The following TMEM150C variants were observed in gnomAD, a reference collection of about 807,000 sequenced individuals.
The protein encoded by TMEM150C is transmembrane protein 150C.
TMEM150C carries 10 observed loss-of-function variants against 29.9 expected under a neutral mutation model. That is an observed-to-expected ratio of 0.33 (90% CI 0.21 to 0.57). The LOEUF (loss-of-function observed/expected upper bound fraction) is 0.57, where lower values mean the gene tolerates loss of function less well. Ranked by LOEUF, TMEM150C falls within the 20% of genes least tolerant of loss-of-function variation. The pLI is 0.88. For missense variants in TMEM150C, 251 were observed against 303.6 expected (o/e 0.83, Z 1.29); for synonymous variants, 101 against 112.5 (o/e 0.90, Z 0.64).
Position 82,532,830 on chromosome 4 carries a change from G to A in TMEM150C, c.-10-28163C>T, listed in dbSNP as rs576369444. On this transcript the variant is annotated intron_variant, in intron 1 of 7. Coordinates refer to ENST00000449862, the MANE Select transcript of TMEM150C (RefSeq NM_001080506.3). The stretch of plus-strand genomic sequence containing the variant: ...TGCAAGCTCCACCTCCTGGGTTCAC[G>A]CCATTCTCCTGTCTCAGCCTCCCGA... 4.0e-5 allele frequency among the ~76,000 whole-genome samples: 6 copies of A among 151,746 alleles called. No homozygotes were observed. The South Asian group carries it at 8.3e-4, about 21-fold the overall frequency.
chr4:82,538,882 G>A (rs4404533), intron 1 of TMEM150C, among the ~76,000 whole-genome samples: 26,761 of 151,952 alleles, frequency 0.18, 3,795 homozygotes, highest in African/African-American at 0.39. Context: ...GCAACATGGC[G>A]AAACCTTAAC....
Position 82,504,680 on chromosome 4 carries a change from A to T in TMEM150C, c.-10-13T>A. 6.3e-7 allele frequency: 1 copy of T among 1,598,376 alleles called. No homozygotes were observed. The highest frequency in any genetic ancestry group is 8.6e-7 in the Non-Finnish European group (1 of 1,166,820). On this transcript the variant is annotated splice_polypyrimidine_tract_variant and intron_variant, in intron 1 of 7. Coordinates refer to ENST00000449862, the MANE Select transcript of TMEM150C (RefSeq NM_001080506.3). ...CATGCCTGTACCACTGAAATAAAAT[A>T]AACACGTATTAATAATTAAGGCAAA...
At chr4:82,524,427 C>T (rs1223409670) in intron 1 of TMEM150C, among the ~76,000 whole-genome samples, 1 of 152,074 alleles carries the variant, frequency 6.6e-6, no homozygotes, top group African/African-American at 2.4e-5. Context: ...CTTGGGACCC[C>T]CACGTTTCAT....
chr4:82,555,852 C>T (rs1352490282), intron 1 of TMEM150C, among the ~76,000 whole-genome samples: 1 of 152,156 alleles, frequency 6.6e-6, no homozygotes, highest in African/African-American at 2.4e-5. Flanking sequence ...TTGTTAAGCA[C>T]TCAATAATGT....
At chr4:82,495,120 T>C (rs1723500835) in intron 6 of TMEM150C, 1 of 647,850 alleles carries the variant, frequency 1.5e-6, no homozygotes, top group Non-Finnish European at 2.5e-6. Flanking sequence ...TCTTACAACA[T>C]ACTGGCAGAC....
At chr4:82,513,199 C>G (rs1373134809) in intron 1 of TMEM150C, among the ~76,000 whole-genome samples, 1 of 152,186 alleles carries the variant, frequency 6.6e-6, no homozygotes, top group Non-Finnish European at 1.5e-5. Flanking sequence ...CTCTGGCTGG[C>G]ATCTGGCAGG....
At chr4:82,494,783 ATTTTTT>A (rs70964776) in intron 6 of TMEM150C, 9,127 of 188,054 alleles carry the variant, frequency 0.049, 845 homozygotes, top group African/African-American at 0.23. Flanking sequence ...AATGTTCCTA[ATTTTTT>A]TTTTTTTTTT....
chr4:82,532,105 A>G (rs989114089), intron 1 of TMEM150C, among the ~76,000 whole-genome samples: 3 of 152,266 alleles, frequency 2.0e-5, no homozygotes, highest in Non-Finnish European at 4.4e-5. Flanking sequence ...AGAGAGCTAC[A>G]GTAAAACAGC....
At chr4:82,547,022 G>A (rs1468778918) in intron 1 of TMEM150C, among the ~76,000 whole-genome samples, 1 of 151,914 alleles carries the variant, frequency 6.6e-6, no homozygotes, top group African/African-American at 2.4e-5. Flanking sequence ...AAAAGCAATT[G>A]CAACAAAAAT....
In TMEM150C at chr4:82,542,548, G is replaced by A. The variant is rs566208064; in HGVS notation, c.-11+19358C>T. ...AAGCAGGACCTACTCATGAGATTCC[G>A]GTGGCCAAAAGGCAGGAGGTAGGGA... On this transcript the variant is annotated intron_variant, in intron 1 of 7. Transcript: ENST00000449862. Among the ~76,000 whole-genome samples the A allele has an allele frequency of 3.9e-5, 6 of 152,260 alleles. 1 individual carries two copies. The South Asian group carries it at 1.0e-3, about 26-fold the overall frequency.
chr4:82,555,863 TACTC>T (rs1725719865), intron 1 of TMEM150C, among the ~76,000 whole-genome samples: 1 of 152,228 alleles, frequency 6.6e-6, no homozygotes, highest in Non-Finnish European at 1.5e-5. Context: ...TCAATAATGT[TACTC>T]ACTATTAGCT....
intron 7 of TMEM150C, among the ~76,000 whole-genome samples, chr4:82,488,019 G>T (rs963183932): frequency 1.3e-5 from 2 of 152,050 alleles, no homozygotes; most frequent in Admixed American, 6.6e-5. Flanking sequence ...TGATTTCTGG[G>T]ATTTTGGTGC....
chr4:82,541,896 C>A (rs1725212942), intron 1 of TMEM150C, among the ~76,000 whole-genome samples: 5 of 152,116 alleles, frequency 3.3e-5, no homozygotes, highest in Admixed American at 3.3e-4. Flanking sequence ...AACAGCCCTG[C>A]CTTGCTCTAT....
At chr4:82,516,980 C>A (rs1724316246) in intron 1 of TMEM150C, among the ~76,000 whole-genome samples, 1 of 152,140 alleles carries the variant, frequency 6.6e-6, no homozygotes, top group Non-Finnish European at 1.5e-5. Flanking sequence ...CCGAACTCCC[C>A]AGAACGCTTA....
At chr4:82,556,320 T>C (rs1725735958) in intron 1 of TMEM150C, among the ~76,000 whole-genome samples, 1 of 152,228 alleles carries the variant, frequency 6.6e-6, no homozygotes, top group Middle Eastern at 3.2e-3. Context: ...CCTTGTGGCC[T>C]GGTACTTGTT....
At chr4:82,561,341 T>C (rs1042430112) in intron 1 of TMEM150C, among the ~76,000 whole-genome samples, 25 of 152,152 alleles carry the variant, frequency 1.6e-4, no homozygotes, top group African/African-American at 5.8e-4. Flanking sequence ...AGACTGTGCA[T>C]TTAGAGTGGA....
intron 6 of TMEM150C, chr4:82,491,002 T>C: frequency 2.7e-6 from 2 of 739,360 alleles, no homozygotes; most frequent in Non-Finnish European, 5.0e-6. Context: ...TCTTCCAAGT[T>C]AACCTGTGTG....
intron 1 of TMEM150C, among the ~76,000 whole-genome samples, chr4:82,506,679 T>C (rs1292742654): frequency 6.6e-6 from 1 of 152,240 alleles, no homozygotes; most frequent in Non-Finnish European, 1.5e-5. Flanking sequence ...TTCTAGTTTA[T>C]ATAATACGGA....
At chr4:82,519,775 A>T (rs977843306) in intron 1 of TMEM150C, among the ~76,000 whole-genome samples, 1 of 152,236 alleles carries the variant, frequency 6.6e-6, no homozygotes, top group African/African-American at 2.4e-5. Flanking sequence ...TTAATTTATA[A>T]ATTAGGCAGA....
Sources: allele counts gnomAD v4.1 joint callset (sites outside exome capture counted in the v4.1 genomes callset), GRCh38; gene constraint gnomAD v4.1.1; transcripts MANE v1.5; gene names NCBI Gene and HGNC (gene_info 2026-07-23, HGNC 2026-07-21).